Variants in DPY19L2 observed in about 807,000 individuals in gnomAD.
The protein encoded by DPY19L2 is probable C-mannosyltransferase DPY19L2.
In DPY19L2, 34 loss-of-function variants were observed where a neutral mutation model predicts 97.9. That is an observed-to-expected ratio of 0.35 (90% confidence interval 0.26 to 0.46). The LOEUF (loss-of-function observed/expected upper bound fraction) is 0.46, where lower values mean the gene tolerates loss of function less well. Ranked by LOEUF, DPY19L2 falls within the 20% of genes least tolerant of loss-of-function variation. The probability of loss-of-function intolerance (pLI) is 1.00; values close to 1 mark genes in which losing one functional copy is unlikely to be tolerated. For missense variants in DPY19L2, 623 were observed against 911.4 expected, an observed-to-expected ratio of 0.68 and a Z score of 4.07; for synonymous variants, 230 against 307.9, an observed-to-expected ratio of 0.75 and a Z score of 2.65.
At chr12:63,661,525 T>C in intron 3 of DPY19L2, 44 bp from the exon 4 acceptor site, 1 of 1,377,232 alleles carries the variant, frequency 7.3e-7, no homozygotes. Flanking sequence ...AATTAAAACT[T>C]TAAAATATTT....
intron 16 of DPY19L2, among the ~76,000 whole-genome samples, chr12:63,593,308 A>C (rs996986149): frequency 6.6e-6 from 1 of 152,218 alleles, no homozygotes; most frequent in African/African-American, 2.4e-5. Flanking sequence ...TCAAAGGACT[A>C]TAAATCATGC....
chr12:63,597,160 G>C (rs936583945), intron 14 of DPY19L2, among the ~76,000 whole-genome samples: 4 of 150,888 alleles, frequency 2.7e-5, no homozygotes, highest in African/African-American at 9.7e-5. Context: ...TTTTAGTAGA[G>C]ATGGAGTTAC....
Position 63,597,881 on chromosome 12 carries a change from T to C in DPY19L2, c.1389A>G (p.Arg463=), listed in dbSNP as rs761155105. 18 of 1,601,412 alleles carry C rather than the reference T, an allele frequency of 1.1e-5. No individual in the cohort carries two copies. The Admixed American group carries it at 3.0e-4, about 27-fold the overall frequency. The stretch of plus-strand genomic sequence containing the variant: ...TATCAAAATCTGTATACCTTAAGAT[T>C]CTGGCTGCTATAAGATCACTCAGGC... ...HIRLSDLIAA[R]ILRYTDFDTL... The change falls in exon 14 of 22, where the codon AGA becomes AGG. Residue 463 remains arginine (R), a synonymous_variant. Coordinates refer to ENST00000324472, the MANE Select transcript of DPY19L2 (RefSeq NM_173812.5).
Position 63,612,391 on chromosome 12 carries a change from TAAGTA to T in DPY19L2, c.1219-3721_1219-3717del, listed in dbSNP as rs1487428185. Among the ~76,000 whole-genome samples the T allele has an allele frequency of 4.9e-4, 74 of 152,048 alleles. 1 individual carries two copies. Among genetic ancestry groups the T allele is most frequent in the Admixed American group, 4.7e-3 (72 of 15,268 alleles). On this transcript the variant is annotated intron_variant, in intron 11 of 21. Transcript: ENST00000324472. The stretch of plus-strand genomic sequence containing the variant: ...TACTTTTCAAAGGTAATTTACTGTT[TAAGTA>T]AAAACAAAAATTTATTGAGATTTCT...
Position 63,668,336 on chromosome 12 carries a change from TA to T in DPY19L2, c.57del (p.Lys20ArgfsTer14). Reference protein sequence around the residue: ...KRLQSSGRSQSKGRRGASLAR... With the variant: ...KRLQSSGRSQXKGRRGASLAR... The stretch of plus-strand genomic sequence containing the variant: ...GCGAGGGAGGCCCCGCGCCGCCCCT[TA>T]GACTGGCTGCGGCCGGAAGATTGCA... On this transcript the variant is annotated frameshift_variant, in exon 1 of 22. Transcript: ENST00000324472. LOFTEE classifies it high-confidence loss of function. The T allele has an allele frequency of 6.2e-7, 1 of 1,613,750 alleles. No homozygotes were observed. Among genetic ancestry groups the T allele is most frequent in the Non-Finnish European group, 8.5e-7 (1 of 1,179,908 alleles).
intron 16 of DPY19L2, among the ~76,000 whole-genome samples, chr12:63,588,600 T>C (rs1882225577): frequency 6.6e-6 from 1 of 152,052 alleles, no homozygotes; most frequent in Non-Finnish European, 1.5e-5. Context: ...ATCCCCAAAA[T>C]ATTTTTAAAG....
chr12:63,663,554 A>C (rs1301416041), intron 3 of DPY19L2, among the ~76,000 whole-genome samples: 1 of 152,150 alleles, frequency 6.6e-6, no homozygotes, highest in East Asian at 1.9e-4. Context: ...TCTTAAAAAG[A>C]AGTCTGCATT....
chr12:63,620,010 T>C (rs1031639821), intron 9 of DPY19L2: 9 of 455,274 alleles, frequency 2.0e-5, no homozygotes, highest in African/African-American at 1.8e-4. Flanking sequence ...CCAATTGAGC[T>C]GGGGTTATAA....
At chr12:63,611,878 T>C (rs1887064965) in intron 11 of DPY19L2, among the ~76,000 whole-genome samples, 1 of 152,068 alleles carries the variant, frequency 6.6e-6, no homozygotes, top group African/African-American at 2.4e-5. Flanking sequence ...ACCAAAATTT[T>C]TCCAAATTTG....
intron 6 of DPY19L2, among the ~76,000 whole-genome samples, chr12:63,630,708 C>G (rs1890456138): frequency 6.6e-6 from 1 of 151,942 alleles, no homozygotes; most frequent in Non-Finnish European, 1.5e-5. Context: ...AGCTCTGCAC[C>G]AGGCGCACCT....
At chr12:63,659,228 T>C (rs527711815) in intron 4 of DPY19L2, among the ~76,000 whole-genome samples, 14 of 152,246 alleles carry the variant, frequency 9.2e-5, no homozygotes, top group Middle Eastern at 3.4e-3. Flanking sequence ...AAATCAACTA[T>C]ATTTCTACAC....
chr12:63,631,555 A>T (rs1326365139), intron 6 of DPY19L2, among the ~76,000 whole-genome samples: 1 of 152,152 alleles, frequency 6.6e-6, no homozygotes, highest in Non-Finnish European at 1.5e-5. Flanking sequence ...CAGGCTCTGA[A>T]ATTGAGGCAA....
intron 18 of DPY19L2, among the ~76,000 whole-genome samples, chr12:63,581,437 T>C (rs1880874071): frequency 6.6e-6 from 1 of 151,450 alleles, no homozygotes; most frequent in African/African-American, 2.4e-5. Context: ...TACTCTGGTA[T>C]TGGATGAGTA....
intron 16 of DPY19L2, among the ~76,000 whole-genome samples, chr12:63,584,769 A>C (rs928080885): frequency 2.0e-5 from 3 of 152,226 alleles, no homozygotes; most frequent in African/African-American, 7.2e-5. Context: ...GAGATATGCC[A>C]AAGAGAAGCT....
intron 6 of DPY19L2, among the ~76,000 whole-genome samples, chr12:63,632,673 C>T (rs1307871587): frequency 2.0e-5 from 3 of 152,182 alleles, no homozygotes; most frequent in African/African-American, 4.8e-5. Flanking sequence ...GAATCCCCAT[C>T]AAGCTACCAA....
At chr12:63,636,922 G>A (rs986030651) in intron 6 of DPY19L2, among the ~76,000 whole-genome samples, 3 of 152,084 alleles carry the variant, frequency 2.0e-5, no homozygotes, top group African/African-American at 7.2e-5. Context: ...ACTCAACTCT[G>A]CACCAGGCGG....
At chr12:63,591,352 T>G (rs1882871306) in intron 16 of DPY19L2, among the ~76,000 whole-genome samples, 1 of 152,140 alleles carries the variant, frequency 6.6e-6, no homozygotes, top group Non-Finnish European at 1.5e-5. Flanking sequence ...AAATCAAATA[T>G]TCTATTTACA....
intron 16 of DPY19L2, chr12:63,590,851 C>G (rs1204038706): frequency 3.7e-6 from 1 of 268,580 alleles, no homozygotes; most frequent in African/African-American, 2.2e-5. Context: ...AACCCTCTGC[C>G]CATACACAAC....
chr12:63,609,846 G>C (rs1433168070), intron 11 of DPY19L2, among the ~76,000 whole-genome samples: 1 of 152,100 alleles, frequency 6.6e-6, no homozygotes, highest in Non-Finnish European at 1.5e-5. Context: ...TTCCAATTTT[G>C]TATCATTTAG....
Sources: gnomAD v4.1 joint callset for allele counts (sites outside exome capture counted in the v4.1 genomes callset) on GRCh38, gnomAD v4.1.1 for gene constraint, MANE v1.5 for transcripts, NCBI Gene and HGNC (gene_info 2026-07-23, HGNC 2026-07-21) for gene names.